The following RCOR1 variants were observed in gnomAD, a reference collection of about 807,000 sequenced individuals.
RCOR1 encodes the protein REST corepressor.
Under a neutral mutation model 64.0 loss-of-function variants are expected in RCOR1, and 12 were observed. The ratio of observed to expected loss-of-function variants is 0.19; its 90% CI spans 0.12 to 0.30. The LOEUF (loss-of-function observed/expected upper bound fraction) is 0.30, where lower values mean the gene tolerates loss of function less well. Ranked by LOEUF, RCOR1 falls within the 10% of genes least tolerant of loss-of-function variation. The pLI, the probability that RCOR1 is intolerant of heterozygous loss-of-function variation, is 1.00. For synonymous variants in RCOR1, 279 were observed against 227.2 expected, an observed-to-expected ratio of 1.23 and a Z score of -2.05; for missense variants, 502 against 621.2, an observed-to-expected ratio of 0.81 and a Z score of 2.04.
chr14:102,661,805 C>T (rs1425009458), intron 2 of RCOR1, among the ~76,000 whole-genome samples: 2 of 152,090 alleles, frequency 1.3e-5, no homozygotes, highest in Admixed American at 6.6e-5. Flanking sequence ...TGCCCAGGCT[C>T]TATTGCAATG....
intron 8 of RCOR1, among the ~76,000 whole-genome samples, chr14:102,717,656 C>T (rs1428380227): frequency 6.6e-6 from 1 of 152,056 alleles, no homozygotes; most frequent in African/African-American, 2.4e-5. Flanking sequence ...AAGGATGCTC[C>T]TTTCTCCCTC....
intron 2 of RCOR1, among the ~76,000 whole-genome samples, chr14:102,673,829 G>A (rs967531423): frequency 1.3e-5 from 2 of 150,860 alleles, no homozygotes; most frequent in African/African-American, 4.9e-5. Context: ...TGCTCAGGCT[G>A]GTCTCGAACT....
intron 8 of RCOR1, among the ~76,000 whole-genome samples, chr14:102,720,489 C>T (rs1344541421): frequency 6.6e-6 from 1 of 152,158 alleles, no homozygotes; most frequent in African/African-American, 2.4e-5. Context: ...TTGTGTTTTC[C>T]TCGCCCCCCC....
chr14:102,696,607 C>T (rs887481915), intron 3 of RCOR1, among the ~76,000 whole-genome samples: 2 of 152,034 alleles, frequency 1.3e-5, no homozygotes, highest in African/African-American at 4.8e-5. Flanking sequence ...GAGTCCCTGC[C>T]CTCAGTGGCT....
chr14:102,723,588 G>A (rs1165876119), intron 11 of RCOR1, among the ~76,000 whole-genome samples: 1 of 152,212 alleles, frequency 6.6e-6, no homozygotes, highest in Non-Finnish European at 1.5e-5. Context: ...AGCTCTGCCT[G>A]AAAAGAGCAT....
chr14:102,680,504 A>G (rs1460906836), intron 2 of RCOR1, among the ~76,000 whole-genome samples: 5 of 152,106 alleles, frequency 3.3e-5, no homozygotes, highest in African/African-American at 1.2e-4. Flanking sequence ...CTATGTATAT[A>G]TCTATAAAAA....
chr14:102,621,173 C>T (rs1182557267), intron 2 of RCOR1, among the ~76,000 whole-genome samples: 5 of 152,014 alleles, frequency 3.3e-5, no homozygotes, highest in East Asian at 1.9e-4. Flanking sequence ...GATCTAACTG[C>T]GTTGCCTAGG....
At chr14:102,641,339 C>T (rs543740130) in intron 2 of RCOR1, among the ~76,000 whole-genome samples, 25 of 152,186 alleles carry the variant, frequency 1.6e-4, no homozygotes, top group Admixed American at 1.6e-3. Context: ...GTGGTTCACA[C>T]CTGTAGTCCT....
intron 6 of RCOR1, among the ~76,000 whole-genome samples, chr14:102,709,818 C>A (rs984704496): frequency 2.0e-5 from 3 of 152,276 alleles, no homozygotes; most frequent in Non-Finnish European, 4.4e-5. Flanking sequence ...GTTTACTAAG[C>A]AGCAATCAAA....
At chr14:102,655,431 A>G (rs1269300192) in intron 2 of RCOR1, 2 of 984,646 alleles carry the variant, frequency 2.0e-6, no homozygotes, top group Non-Finnish European at 2.4e-6. Flanking sequence ...TAACTATGGC[A>G]TGTTTTATAA....
At chr14:102,608,165 A>G (rs761246017) in intron 2 of RCOR1, among the ~76,000 whole-genome samples, 3 of 152,180 alleles carry the variant, frequency 2.0e-5, no homozygotes, top group Non-Finnish European at 4.4e-5. Context: ...AAACATTTTC[A>G]TCACCCTAAA....
At chr14:102,664,745 A>G (rs1383787099) in intron 2 of RCOR1, among the ~76,000 whole-genome samples, 1 of 152,234 alleles carries the variant, frequency 6.6e-6, no homozygotes, top group African/African-American at 2.4e-5. Flanking sequence ...TTTACTTAAC[A>G]TTTATGAAGT....
At chr14:102,653,043 C>T (rs1894623556) in intron 2 of RCOR1, among the ~76,000 whole-genome samples, 1 of 152,108 alleles carries the variant, frequency 6.6e-6, no homozygotes, top group Non-Finnish European at 1.5e-5. Flanking sequence ...AGCGATTCTC[C>T]TGCCTCAGCC....
chr14:102,614,157 C>T (rs113404275), intron 2 of RCOR1, among the ~76,000 whole-genome samples: 6 of 150,344 alleles, frequency 4.0e-5, no homozygotes, highest in African/African-American at 1.5e-4. Flanking sequence ...GGCCTCCCAA[C>T]GTGCTGGGAT....
intron 2 of RCOR1, among the ~76,000 whole-genome samples, chr14:102,650,049 T>C (rs923253779): frequency 4.6e-5 from 7 of 151,726 alleles, no homozygotes; most frequent in Non-Finnish European, 5.9e-5. Flanking sequence ...ATACAAAAAG[T>C]TAGCCGGGTG....
At chr14:102,722,468 TC>T (rs1328712560) in intron 11 of RCOR1, 52 bp downstream of exon 11, 2 of 1,438,462 alleles carry the variant, frequency 1.4e-6, no homozygotes, top group Non-Finnish European at 1.9e-6. Flanking sequence ...CGCTTGATAC[TC>T]CAGTTTCTAA....
chr14:102,687,923 G>A (rs1001964383), intron 3 of RCOR1, among the ~76,000 whole-genome samples: 1 of 151,962 alleles, frequency 6.6e-6, no homozygotes, highest in African/African-American at 2.4e-5. Flanking sequence ...GCTGGACCAG[G>A]GGCATAAGTG....
intron 2 of RCOR1, among the ~76,000 whole-genome samples, chr14:102,617,961 C>CTT (rs869074425): frequency 7.4e-6 from 1 of 135,400 alleles, no homozygotes; most frequent in African/African-American, 2.7e-5. Context: ...ACATAAGTTT[C>CTT]TTTTTTTTTT....
intron 11 of RCOR1, 109 bp from the exon 12 acceptor site, chr14:102,726,359 C>G: frequency 3.4e-6 from 3 of 879,010 alleles, no homozygotes; most frequent in Non-Finnish European, 5.2e-6. Context: ...TCGGTGTTTG[C>G]TCTGCAGGTT....
Sources: gnomAD v4.1 joint callset for allele counts (sites outside exome capture counted in the v4.1 genomes callset) on GRCh38, gnomAD v4.1.1 for gene constraint, MANE v1.5 for transcripts, NCBI Gene and HGNC (gene_info 2026-07-23, HGNC 2026-07-21) for gene names.